MRPL43: variants seen among roughly 807,000 people sequenced by gnomAD.
MRPL43 encodes the protein large ribosomal subunit protein mL43.
MRPL43 carries 9 observed loss-of-function variants against 12.7 expected under a neutral mutation model. That is an observed-to-expected ratio of 0.71 (90% CI 0.43 to 1.24). MRPL43 has a LOEUF of 1.24. MRPL43 is among the 50% of genes most tolerant of loss of function. MRPL43 has a pLI of 0.00. For missense variants in MRPL43, 211 were observed against 229.2 expected (o/e 0.92, Z 0.51); for synonymous variants, 116 against 96.4 (o/e 1.20, Z -1.19).
chr10:100,983,845 A>G, downstream of MRPL43: 1 of 1,593,156 alleles, frequency 6.3e-7, no homozygotes, highest in East Asian at 2.3e-5. Context: ...GGTGATGATG[A>G]GGGGGCTGGG....
At chr10:100,982,706 C>T (rs1381889258), downstream of MRPL43, among the ~76,000 whole-genome samples, 2 of 152,212 alleles carry the variant, frequency 1.3e-5, no homozygotes, top group South Asian at 4.1e-4. Flanking sequence ...GCAAGATAAT[C>T]GCGTGAACCA....
chr10:100,980,154 CAA>C, downstream of MRPL43: 1 of 1,614,248 alleles, frequency 6.2e-7, no homozygotes, highest in Non-Finnish European at 8.5e-7. Flanking sequence ...GCCAAGGCTA[CAA>C]TTCATCCCAA....
At chr10:100,983,096 A>C (rs989358201), downstream of MRPL43, among the ~76,000 whole-genome samples, 2 of 152,218 alleles carry the variant, frequency 1.3e-5, no homozygotes, top group African/African-American at 2.4e-5. Flanking sequence ...TGGAGAGAGA[A>C]TGGAAAAGGG....
chr10:100,981,768 T>G (rs1481542006), downstream of MRPL43, among the ~76,000 whole-genome samples: 1 of 152,128 alleles, frequency 6.6e-6, no homozygotes, highest in African/African-American at 2.4e-5. Context: ...GGACCAGAAT[T>G]CAAACCTGGC....
At chr10:100,984,540 C>G, downstream of MRPL43, 1 of 1,536,186 alleles carries the variant, frequency 6.5e-7, no homozygotes, top group Non-Finnish European at 8.7e-7. Context: ...CTCTGCATGG[C>G]CCTGTGTGCT....
downstream of MRPL43, chr10:100,979,854 C>G (rs1413764190): frequency 1.9e-6 from 3 of 1,613,634 alleles, no homozygotes; most frequent in Admixed American, 1.7e-5. Context: ...CTAGGAAGAC[C>G]CTGGAGGCCT....
chr10:100,981,809 G>A (rs1851091697), downstream of MRPL43, among the ~76,000 whole-genome samples: 1 of 152,184 alleles, frequency 6.6e-6, no homozygotes, highest in Non-Finnish European at 1.5e-5. Context: ...TGTAATCCCA[G>A]CACTTCGGGA....
downstream of MRPL43, chr10:100,978,088 C>A: frequency 1.7e-6 from 1 of 586,902 alleles, no homozygotes; most frequent in African/African-American, 1.9e-5. Context: ...AGGTTGGCCA[C>A]TTGCAGATTT....
At chr10:100,984,046 G>C, downstream of MRPL43, 1 of 1,613,712 alleles carries the variant, frequency 6.2e-7, no homozygotes. Context: ...GCAGGGCCCT[G>C]CTCCTTCGCC....
chr10:100,983,731 G>A (rs1326312908), downstream of MRPL43: 3 of 1,613,444 alleles, frequency 1.9e-6, no homozygotes, highest in South Asian at 2.2e-5. Context: ...GAAGGCAGAC[G>A]AGGGCGCCGA....
chr10:100,987,475 A>C lies in MRPL43; in HGVS notation c.-32T>G. On this transcript the variant is annotated 5_prime_UTR_variant, in exon 1 of 3. Coordinates refer to ENST00000318364, the MANE Select transcript of MRPL43 (RefSeq NM_032112.3). ...AGCTTGGAGGCCGCGGAGCCTAAGC[A>C]GCGAGGAGAGGGGGGCGGGACTAAA... The C allele has an allele frequency of 6.2e-7, 1 of 1,607,024 alleles. No homozygotes were observed.
chr10:100,979,341 G>A, downstream of MRPL43: 1 of 1,613,770 alleles, frequency 6.2e-7, no homozygotes, highest in Non-Finnish European at 8.5e-7. Context: ...GGTCAATGAG[G>A]ATGAGATAGG....
chr10:100,984,617 C>T, downstream of MRPL43: 1 of 1,536,296 alleles, frequency 6.5e-7, no homozygotes, highest in East Asian at 2.4e-5. Context: ...CACATGCACA[C>T]ATGGAAGAAT....
chr10:100,978,076 C>G, downstream of MRPL43: 1 of 583,938 alleles, frequency 1.7e-6, no homozygotes. Flanking sequence ...GAGTGAATCT[C>G]TAGGTTGGCC....
chr10:100,981,294 G>A, downstream of MRPL43: 8 of 1,597,088 alleles, frequency 5.0e-6, no homozygotes, highest in Non-Finnish European at 6.9e-6. Context: ...TTACTGCCAT[G>A]TGTACGTATA....
chr10:100,978,243 A>G, downstream of MRPL43: 2 of 1,406,714 alleles, frequency 1.4e-6, no homozygotes, highest in Non-Finnish European at 1.0e-6. Context: ...ACTTTGAGCC[A>G]CTGTCCCTGC....
Position 100,986,932 on chromosome 10 carries a change from G to A in MRPL43, c.282C>T (p.Val94=). 1.2e-6 allele frequency: 2 copies of A among 1,609,478 alleles called. No individual in the cohort carries two copies. The highest frequency in any genetic ancestry group is 1.1e-5 in the South Asian group (1 of 91,066). Residue 94 remains valine, a synonymous_variant, in exon 3 of 3, where the codon GTC becomes GTT. Transcript: ENST00000318364. ...TCTGCACCAGCGTCGAGATCTCCTCGACCGACTTGCAGTGGATGCTCTCCT... is the reference window on the plus strand; with the variant it reads ...TCTGCACCAGCGTCGAGATCTCCTCAACCGACTTGCAGTGGATGCTCTCCT... ...VREESIHCKS[V]EEISTLVQKL... is the part of the protein sequence containing the mutation.
chr10:100,984,575 C>T (rs536866327), downstream of MRPL43: 141 of 1,536,180 alleles, frequency 9.2e-5, no homozygotes, highest in Non-Finnish European at 1.2e-4. Context: ...CCAGACAAGA[C>T]CTCTGCCAGC....
chr10:100,983,642 C>G, downstream of MRPL43: 1 of 1,613,836 alleles, frequency 6.2e-7, no homozygotes, highest in Non-Finnish European at 8.5e-7. Context: ...TGAGACTGCT[C>G]TATGTGCTAG....
Sources: gnomAD v4.1 joint callset for allele counts (sites outside exome capture counted in the v4.1 genomes callset) on GRCh38, gnomAD v4.1.1 for gene constraint, MANE v1.5 for transcripts, NCBI Gene and HGNC (gene_info 2026-07-23, HGNC 2026-07-21) for gene names.